Variants in NFIL3 observed in about 807,000 individuals in gnomAD.
NFIL3 encodes nuclear factor interleukin-3-regulated protein.
Under a neutral mutation model 10.0 loss-of-function variants are expected in NFIL3, and 5 were observed. That is an observed-to-expected ratio of 0.50 (90% CI 0.26 to 1.06). NFIL3 has a LOEUF of 1.06. NFIL3 is among the 50% of genes least tolerant of loss of function. The probability of loss-of-function intolerance (pLI) is 0.13; values close to 1 mark genes in which losing one functional copy is unlikely to be tolerated. For missense variants in NFIL3, 436 were observed against 547.6 expected (o/e 0.80, Z 2.03); for synonymous variants, 202 against 206.5 (o/e 0.98, Z 0.19).
At chr9:91,477,049 A>C in the NFIL3 span, among the ~76,000 whole-genome samples, 1 of 152,204 alleles carries the variant, frequency 6.6e-6, no homozygotes, top group African/African-American at 2.4e-5. Context: ...TTAGTGCCTT[A>C]AGACAATTCC....
chr9:91,434,336 T>A, the NFIL3 span, among the ~76,000 whole-genome samples: 1 of 152,056 alleles, frequency 6.6e-6, no homozygotes, highest in Non-Finnish European at 1.5e-5. Flanking sequence ...CCTCCCCAAG[T>A]AGATATCAGA....
At chr9:91,474,032 A>G in the NFIL3 span, among the ~76,000 whole-genome samples, 1 of 151,578 alleles carries the variant, frequency 6.6e-6, no homozygotes, top group Non-Finnish European at 1.5e-5. Context: ...CTGACCTTAG[A>G]GGGAAAGCAT....
At chr9:91,453,276 T>C in the NFIL3 span, among the ~76,000 whole-genome samples, 1 of 152,088 alleles carries the variant, frequency 6.6e-6, no homozygotes, top group Non-Finnish European at 1.5e-5. Flanking sequence ...GACCTCATTA[T>C]AACTTAATTA....
At chr9:91,444,527 C>A in the NFIL3 span, among the ~76,000 whole-genome samples, 8 of 152,214 alleles carry the variant, frequency 5.3e-5, no homozygotes, top group South Asian at 1.7e-3. Context: ...CCTGCATTGA[C>A]GTTTGTGCAT....
chr9:91,448,351 G>A, the NFIL3 span, among the ~76,000 whole-genome samples: 1 of 152,166 alleles, frequency 6.6e-6, no homozygotes, highest in Non-Finnish European at 1.5e-5. Context: ...ATCCATGACA[G>A]AAAGCAGAAG....
At chr9:91,436,772 T>C in the NFIL3 span, among the ~76,000 whole-genome samples, 4 of 152,110 alleles carry the variant, frequency 2.6e-5, no homozygotes, top group East Asian at 3.9e-4. Flanking sequence ...TAACCCAAAA[T>C]AGGAAGAGGT....
upstream of NFIL3, among the ~76,000 whole-genome samples, chr9:91,424,191 C>T (rs2118056182): frequency 6.6e-6 from 1 of 152,182 alleles, no homozygotes; most frequent in South Asian, 2.1e-4. Context: ...CGTCCCACCG[C>T]CCCGTCCGCT....
chr9:91,461,691 C>A, the NFIL3 span, among the ~76,000 whole-genome samples: 1 of 152,164 alleles, frequency 6.6e-6, no homozygotes, highest in South Asian at 2.1e-4. Flanking sequence ...GTGTCTGAGT[C>A]CTCTCTGCTC....
chr9:91,416,981 C>A (rs1170885308), intron 1 of NFIL3, among the ~76,000 whole-genome samples: 1 of 152,120 alleles, frequency 6.6e-6, no homozygotes, highest in Non-Finnish European at 1.5e-5. Context: ...TCTCCCAGAA[C>A]TAATGTTTAA....
At chr9:91,481,670 C>A in the NFIL3 span, among the ~76,000 whole-genome samples, 1 of 151,766 alleles carries the variant, frequency 6.6e-6, no homozygotes, top group East Asian at 1.9e-4. Context: ...GTAAACAACA[C>A]AAGAAATACC....
chr9:91,420,176 A>G (rs1368373496), intron 1 of NFIL3, among the ~76,000 whole-genome samples: 2 of 152,168 alleles, frequency 1.3e-5, no homozygotes, highest in Admixed American at 6.5e-5. Context: ...AGGTTCTGCA[A>G]TCCTGTCAGG....
At chr9:91,446,429 G>A in the NFIL3 span, among the ~76,000 whole-genome samples, 179 of 152,278 alleles carry the variant, frequency 1.2e-3, no homozygotes, top group Non-Finnish European at 2.0e-3. Flanking sequence ...TGTGTTGCAA[G>A]GCAACGAGTT....
chr9:91,431,811 C>G, the NFIL3 span, among the ~76,000 whole-genome samples: 1 of 152,142 alleles, frequency 6.6e-6, no homozygotes, highest in Admixed American at 6.5e-5. Flanking sequence ...AGACTTTCCC[C>G]CTAATGCATA....
chr9:91,459,410 T>C, the NFIL3 span, among the ~76,000 whole-genome samples: 1 of 152,220 alleles, frequency 6.6e-6, no homozygotes, highest in Admixed American at 6.5e-5. Flanking sequence ...AGAAAAGAAC[T>C]CTTCCAAGGA....
the NFIL3 span, among the ~76,000 whole-genome samples, chr9:91,456,320 G>A: frequency 1.3e-5 from 2 of 152,034 alleles, no homozygotes; most frequent in Admixed American, 6.6e-5. Context: ...GCTTTCCAGG[G>A]TGGTTATACC....
intron 1 of NFIL3, among the ~76,000 whole-genome samples, chr9:91,421,239 G>A (rs934839368): frequency 6.6e-5 from 9 of 137,016 alleles, no homozygotes; most frequent in Admixed American, 1.5e-4. Context: ...TGCGGGAGCC[G>A]GGGTCCCTGG....
At chr9:91,444,960 C>T in the NFIL3 span, among the ~76,000 whole-genome samples, 1 of 152,120 alleles carries the variant, frequency 6.6e-6, no homozygotes, top group Non-Finnish European at 1.5e-5. Flanking sequence ...GAGTCCTGGG[C>T]TGGGCTCAGG....
the NFIL3 span, among the ~76,000 whole-genome samples, chr9:91,434,683 T>C: frequency 1.3e-5 from 2 of 152,200 alleles, no homozygotes; most frequent in Admixed American, 6.5e-5. Context: ...ACATTCTTAA[T>C]ATGTTAAGCA....
chr9:91,439,875 G>T, the NFIL3 span, among the ~76,000 whole-genome samples: 2 of 152,222 alleles, frequency 1.3e-5, no homozygotes, highest in Middle Eastern at 3.4e-3. Context: ...ACTTGGTCAT[G>T]ATGTACAGTC....
Sources: allele counts gnomAD v4.1 joint callset (sites outside exome capture counted in the v4.1 genomes callset), GRCh38; gene constraint gnomAD v4.1.1; transcripts MANE v1.5; gene names NCBI Gene and HGNC (gene_info 2026-07-23, HGNC 2026-07-21).